MAN1A1: variants seen among roughly 807,000 people sequenced by gnomAD.
MAN1A1 encodes the protein mannosyl-oligosaccharide 1,2-alpha-mannosidase IA.
A neutral mutation model predicts 70.8 loss-of-function variants in MAN1A1; 29 were observed. The ratio of observed to expected loss-of-function variants is 0.41; its 90% CI spans 0.31 to 0.56. The LOEUF (loss-of-function observed/expected upper bound fraction) is 0.56, where lower values mean the gene tolerates loss of function less well. Ranked by LOEUF, MAN1A1 falls within the 20% of genes least tolerant of loss-of-function variation. MAN1A1 has a pLI of 0.29. For missense variants in MAN1A1, 747 were observed against 841.3 expected, an observed-to-expected ratio of 0.89 and a Z score of 1.39; for synonymous variants, 349 against 330.1, an observed-to-expected ratio of 1.06 and a Z score of -0.62.
chr6:119,211,491 G>A (rs370930256), intron 6 of MAN1A1, among the ~76,000 whole-genome samples: 3 of 152,176 alleles, frequency 2.0e-5, no homozygotes, highest in Non-Finnish European at 4.4e-5. Context: ...TAATAAAACC[G>A]AAAAGCAAAA....
At chr6:119,299,039 C>T (rs1156709972) in intron 4 of MAN1A1, among the ~76,000 whole-genome samples, 2 of 150,462 alleles carry the variant, frequency 1.3e-5, no homozygotes, top group African/African-American at 4.9e-5. Context: ...TTTGCTAAGG[C>T]TTTTTCAATT....
At chr6:119,218,549 A>G (rs1266405166) in intron 6 of MAN1A1, among the ~76,000 whole-genome samples, 11 of 151,906 alleles carry the variant, frequency 7.2e-5, no homozygotes, top group African/African-American at 2.4e-4. Flanking sequence ...TCCTTTACTT[A>G]TAACATCGAT....
At chr6:119,342,647 A>G (rs1773626760) in intron 2 of MAN1A1, among the ~76,000 whole-genome samples, 1 of 152,236 alleles carries the variant, frequency 6.6e-6, no homozygotes. Context: ...TGGATGGATC[A>G]GAGACAGGTA....
intron 4 of MAN1A1, among the ~76,000 whole-genome samples, chr6:119,298,614 T>TG (rs1178663055): frequency 6.6e-6 from 1 of 151,356 alleles, no homozygotes; most frequent in Non-Finnish European, 1.5e-5. Context: ...TTTTTTTTTT[T>TG]GAGTCTGAGT....
At chr6:119,215,141 T>C (rs936666554) in intron 6 of MAN1A1, among the ~76,000 whole-genome samples, 2 of 151,504 alleles carry the variant, frequency 1.3e-5, no homozygotes, top group African/African-American at 4.9e-5. Flanking sequence ...ATGGCACATG[T>C]ATACATATGT....
chr6:119,220,726 A>C (rs1774336236), intron 6 of MAN1A1, among the ~76,000 whole-genome samples: 1 of 152,222 alleles, frequency 6.6e-6, no homozygotes, highest in African/African-American at 2.4e-5. Context: ...CTAGTTTAAC[A>C]ATGTGTGCTC....
chr6:119,254,253 T>C (rs1046147460), intron 5 of MAN1A1, among the ~76,000 whole-genome samples: 2 of 152,200 alleles, frequency 1.3e-5, no homozygotes, highest in Non-Finnish European at 2.9e-5. Flanking sequence ...CAAATGGGGA[T>C]AGGCATGATG....
intron 6 of MAN1A1, among the ~76,000 whole-genome samples, chr6:119,234,466 TG>T (rs1283740153): frequency 6.6e-6 from 1 of 151,962 alleles, no homozygotes; most frequent in African/African-American, 2.4e-5. Context: ...TAGGCTGGAG[TG>T]CAGTCTTACA....
intron 8 of MAN1A1, among the ~76,000 whole-genome samples, chr6:119,199,365 T>C (rs570866718): frequency 6.6e-6 from 1 of 152,336 alleles, no homozygotes; most frequent in South Asian, 2.1e-4. Context: ...AAATGTTGAA[T>C]CTGTGAAACA....
intron 9 of MAN1A1, among the ~76,000 whole-genome samples, chr6:119,192,525 A>C (rs726727): frequency 0.72 from 108,876 of 152,052 alleles, 41,181 homozygotes; most frequent in Non-Finnish European, 0.83. Flanking sequence ...TTTAAATAAA[A>C]AAGTACGCCT....
At chr6:119,315,989 A>C (rs1772841243) in intron 2 of MAN1A1, among the ~76,000 whole-genome samples, 1 of 152,078 alleles carries the variant, frequency 6.6e-6, no homozygotes, top group South Asian at 2.1e-4. Context: ...AATTCATTAG[A>C]TTAGCTGTGC....
chr6:119,184,374 G>A (rs956987320), intron 11 of MAN1A1, among the ~76,000 whole-genome samples: 13 of 152,160 alleles, frequency 8.5e-5, no homozygotes, highest in Admixed American at 8.5e-4. Context: ...AGGATGAAGG[G>A]TAGGTAAGAA....
intron 2 of MAN1A1, among the ~76,000 whole-genome samples, chr6:119,328,326 G>T (rs195058): frequency 0.68 from 103,700 of 152,078 alleles, 35,665 homozygotes; most frequent in African/African-American, 0.72. Flanking sequence ...GCAAACAGTT[G>T]TGCATCCGCT....
intron 6 of MAN1A1, among the ~76,000 whole-genome samples, chr6:119,225,573 C>T (rs1482253916): frequency 6.6e-6 from 1 of 152,082 alleles, no homozygotes; most frequent in South Asian, 2.1e-4. Context: ...CAAGAACCAC[C>T]CTAGCTATGG....
intron 6 of MAN1A1, among the ~76,000 whole-genome samples, chr6:119,241,839 T>A (rs1775012244): frequency 6.6e-6 from 1 of 151,938 alleles, no homozygotes; most frequent in Non-Finnish European, 1.5e-5. Context: ...ATGCCAGAAT[T>A]TTATCCCCAA....
At chr6:119,226,587 A>G (rs1774520413) in intron 6 of MAN1A1, among the ~76,000 whole-genome samples, 1 of 152,240 alleles carries the variant, frequency 6.6e-6, no homozygotes, top group Non-Finnish European at 1.5e-5. Flanking sequence ...GTAGGGAATA[A>G]AAATTGATAT....
intron 11 of MAN1A1, among the ~76,000 whole-genome samples, chr6:119,188,192 A>C (rs977013469): frequency 6.6e-6 from 1 of 152,252 alleles, no homozygotes; most frequent in Non-Finnish European, 1.5e-5. Flanking sequence ...ATCTAAGTCT[A>C]TCAGTAGATA....
chr6:119,300,501 G>A (rs1024147138), intron 4 of MAN1A1, among the ~76,000 whole-genome samples: 4 of 152,048 alleles, frequency 2.6e-5, no homozygotes, highest in African/African-American at 9.7e-5. Context: ...TGATCCAACT[G>A]CCTCGACCTC....
intron 2 of MAN1A1, among the ~76,000 whole-genome samples, chr6:119,329,291 C>A (rs1773240394): frequency 6.6e-6 from 1 of 152,096 alleles, no homozygotes; most frequent in Non-Finnish European, 1.5e-5. Context: ...AGCCTGTCTG[C>A]AGAGGAAAGA....
Sources: allele counts gnomAD v4.1 joint callset (sites outside exome capture counted in the v4.1 genomes callset), GRCh38; gene constraint gnomAD v4.1.1; transcripts MANE v1.5; gene names NCBI Gene and HGNC (gene_info 2026-07-23, HGNC 2026-07-21).